The following DMD variants were observed in gnomAD, a reference collection of about 807,000 sequenced individuals.
DMD encodes the protein mutant dystrophin.
Under a neutral mutation model 330.1 loss-of-function variants are expected in DMD, and 63 were observed. The observed-to-expected ratio is 0.19, with a 90% CI of 0.16 to 0.24. DMD has a LOEUF of 0.24. Among genes scored for constraint, DMD ranks in the 10% least tolerant of loss-of-function variants. The pLI, the probability that DMD is intolerant of heterozygous loss-of-function variation, is 1.00. For synonymous variants in DMD, 1,223 were observed against 959.8 expected, an observed-to-expected ratio of 1.27 and a Z score of -5.07; for missense variants, 3,344 against 2,684.1, an observed-to-expected ratio of 1.25 and a Z score of -5.43.
chrX:32,853,022 A>G (rs2081261587), intron 2 of DMD, among the ~76,000 whole-genome samples: 1 of 112,232 alleles, frequency 8.9e-6, no homozygotes, highest in Non-Finnish European at 1.9e-5. Context: ...AACTAGTAAC[A>G]GGCTTCTCAG....
At chrX:33,273,959 G>T (rs1231957783) in intron 1 of DMD, among the ~76,000 whole-genome samples, 1 of 112,068 alleles carries the variant, frequency 8.9e-6, no homozygotes, top group Non-Finnish European at 1.9e-5. Context: ...TAGCACCAGT[G>T]CCAGGAGATG....
chrX:33,128,280 T>C, intron 1 of DMD: 1 of 1,099,775 alleles, frequency 9.1e-7, no homozygotes, highest in Non-Finnish European at 1.2e-6. Context: ...GGAGGTAGAG[T>C]CATAGCCAAG....
At chrX:32,673,677 C>A (rs2061776724) in intron 9 of DMD, among the ~76,000 whole-genome samples, 2 of 111,886 alleles carry the variant, frequency 1.8e-5, no homozygotes, top group Admixed American at 1.9e-4. Flanking sequence ...AGTAGACGAT[C>A]CCTCCTATCA....
chrX:32,866,457 T>C (rs1366551277), intron 2 of DMD, among the ~76,000 whole-genome samples: 1 of 111,374 alleles, frequency 9.0e-6, no homozygotes, highest in Non-Finnish European at 1.9e-5. Flanking sequence ...AAGATATTTA[T>C]AAAATATTTT....
chrX:33,253,071 T>A (rs1055754033), intron 1 of DMD, among the ~76,000 whole-genome samples: 3 of 110,998 alleles, frequency 2.7e-5, no homozygotes, highest in African/African-American at 9.9e-5. Context: ...CAAGAGAGTA[T>A]CCATCTCCTA....
At chrX:32,123,210 T>C (rs2096645362) in intron 44 of DMD, among the ~76,000 whole-genome samples, 1 of 60,797 alleles carries the variant, frequency 1.6e-5, no homozygotes, top group South Asian at 1.1e-3. Flanking sequence ...TGCATATATA[T>C]ATATATATAT....
At chrX:32,679,660 C>A (rs2062229940) in intron 9 of DMD, among the ~76,000 whole-genome samples, 2 of 109,884 alleles carry the variant, frequency 1.8e-5, no homozygotes, top group African/African-American at 6.6e-5. Context: ...AAAGGAACTG[C>A]CTTTTATGAA....
At chrX:32,479,609 A>C (rs1355885910) in intron 21 of DMD, among the ~76,000 whole-genome samples, 1 of 110,386 alleles carries the variant, frequency 9.1e-6, no homozygotes, top group African/African-American at 3.3e-5. Flanking sequence ...CAAATGACAG[A>C]AATTCCTTCC....
chrX:31,869,493 A>G (rs767468036), intron 48 of DMD, among the ~76,000 whole-genome samples: 3 of 93,769 alleles, frequency 3.2e-5, no homozygotes, highest in African/African-American at 1.2e-4. Flanking sequence ...TTTTCAGTTT[A>G]TTTCCTTTAC....
intron 33 of DMD, among the ~76,000 whole-genome samples, chrX:32,386,045 A>G (rs894211743): frequency 9.1e-6 from 1 of 110,333 alleles, no homozygotes; most frequent in Non-Finnish European, 1.9e-5. Context: ...GTATTTTTCA[A>G]TCTGAATAAG....
intron 7 of DMD, among the ~76,000 whole-genome samples, chrX:32,731,887 T>C (rs146419258): frequency 0.017 from 1,885 of 112,038 alleles, 44 homozygotes; most frequent in African/African-American, 0.057. Context: ...AGTTCCTCAC[T>C]AGCAACGGAA....
intron 63 of DMD, among the ~76,000 whole-genome samples, chrX:31,241,926 G>C (rs2048336850): frequency 9.0e-6 from 1 of 111,054 alleles, no homozygotes; most frequent in East Asian, 2.8e-4. Flanking sequence ...AAGGCACTTA[G>C]TTCACCCCAG....
intron 23 of DMD, among the ~76,000 whole-genome samples, chrX:32,465,544 T>A (rs2098398797): frequency 9.3e-6 from 1 of 107,707 alleles, no homozygotes; most frequent in Admixed American, 1.0e-4. Flanking sequence ...ACATCTTCAC[T>A]GTCCTTGTTC....
In DMD at chrX:32,205,819, G is replaced by A. The variant is rs142537887; in HGVS notation, c.6438+11097C>T. On this transcript the variant is annotated intron_variant, in intron 44 of 78. Coordinates refer to ENST00000357033, the MANE Select transcript of DMD (RefSeq NM_004006.3). Reference sequence around the variant, plus strand: ...AATCTCCCTGGTGTGATTCTGTCCTGCACAGCTGTTCTCTTGAGCAGTGGT... The same window carrying A: ...AATCTCCCTGGTGTGATTCTGTCCTACACAGCTGTTCTCTTGAGCAGTGGT... 6.9e-3 allele frequency: 1,649 copies of A among 238,292 alleles called. 34 individuals carry two copies. Among genetic ancestry groups the A allele is most frequent in the African/African-American group, 0.043 (1,493 of 34,504 alleles). 19.6% of individuals were successfully genotyped at this position (238,292 alleles called of 1,213,427 possible).
chrX:31,292,235 T>TA (rs952295446), intron 62 of DMD, among the ~76,000 whole-genome samples: 17 of 109,592 alleles, frequency 1.6e-4, no homozygotes, highest in Non-Finnish European at 3.1e-4. Flanking sequence ...CTAGAATATG[T>TA]AAAAAAAACT....
chrX:31,297,415 T>G (rs960692789), intron 62 of DMD, among the ~76,000 whole-genome samples: 5 of 111,339 alleles, frequency 4.5e-5, no homozygotes, highest in Non-Finnish European at 9.4e-5. Context: ...GAAACTTACA[T>G]AGATTTTTAT....
At chrX:31,347,380 T>C (rs190915616) in intron 61 of DMD, among the ~76,000 whole-genome samples, 13 of 110,369 alleles carry the variant, frequency 1.2e-4, no homozygotes, top group Middle Eastern at 4.7e-3. Context: ...TTAACCACCC[T>C]CTCTTTATCT....
chrX:32,422,723 C>CT lies in DMD; in HGVS notation c.4072-10811dup, dbSNP rs759294864. ...TTATTCCTCATTCCATCTAGGGACACTGGAATACACTGCAAAGAAATGTTG... is the reference window on the plus strand; with the variant it reads ...TTATTCCTCATTCCATCTAGGGACACTTGGAATACACTGCAAAGAAATGTTG... On this transcript the variant is annotated intron_variant, in intron 29 of 78. Coordinates refer to ENST00000357033, the MANE Select transcript of DMD (RefSeq NM_004006.3). Among the ~76,000 whole-genome samples, 4 of 111,473 alleles carry CT rather than the reference C, an allele frequency of 3.6e-5. No homozygotes were observed. In the South Asian group the frequency reaches 1.5e-3, roughly 41 times the overall value.
At chrX:32,865,016 T>G (rs1184811455) in intron 2 of DMD, among the ~76,000 whole-genome samples, 2 of 111,666 alleles carry the variant, frequency 1.8e-5, no homozygotes, top group Non-Finnish European at 3.8e-5. Context: ...GTAAGTTAAA[T>G]AATATAGTAT....
Sources: gnomAD v4.1 joint callset for allele counts (sites outside exome capture counted in the v4.1 genomes callset) on GRCh38, gnomAD v4.1.1 for gene constraint, MANE v1.5 for transcripts, NCBI Gene and HGNC (gene_info 2026-07-23, HGNC 2026-07-21) for gene names.